CSMD1: variants seen among roughly 807,000 people sequenced by gnomAD.
CSMD1 encodes the protein CUB and Sushi multiple domains 1, also known as CUB and sushi domain-containing protein 1.
In CSMD1, 213 loss-of-function variants were observed where a neutral mutation model predicts 417.5. The ratio of observed to expected loss-of-function variants is 0.51; its 90% CI spans 0.46 to 0.57. The LOEUF (loss-of-function observed/expected upper bound fraction) is 0.57. CSMD1 is among the 20% of genes least tolerant of loss of function. The pLI is 0.00. For synonymous variants in CSMD1, 2,862 were observed against 1,736.8 expected (o/e 1.65, Z -16.11); for missense variants, 6,923 against 4,529.7 (o/e 1.53, Z -15.17).
chr8:3,598,702 A>G (rs1328294123), intron 8 of CSMD1, among the ~76,000 whole-genome samples: 4 of 152,204 alleles, frequency 2.6e-5, no homozygotes, highest in East Asian at 3.9e-4. Flanking sequence ...CTTGGATGCT[A>G]AAAACCTCCC....
intron 8 of CSMD1, among the ~76,000 whole-genome samples, chr8:3,611,997 A>T (rs77527311): frequency 0.025 from 3,746 of 152,270 alleles, 67 homozygotes; most frequent in Middle Eastern, 0.063. Flanking sequence ...TTATTTGAAA[A>T]GATTTTTAAA....
chr8:3,329,091 G>A (rs986258313), intron 23 of CSMD1, among the ~76,000 whole-genome samples: 1 of 152,146 alleles, frequency 6.6e-6, no homozygotes, highest in Non-Finnish European at 1.5e-5. Flanking sequence ...AGTTGAGGGA[G>A]AGAGAAGATG....
At chr8:3,530,502 G>A (rs547768140) in intron 10 of CSMD1, among the ~76,000 whole-genome samples, 3 of 152,180 alleles carry the variant, frequency 2.0e-5, no homozygotes, top group Admixed American at 6.5e-5. Context: ...AAAGCAAAAT[G>A]TACAGTGAAT....
Position 3,428,417 on chromosome 8 carries a change from C to T in CSMD1, c.1562-18812G>A, listed in dbSNP as rs562713856. Among the ~76,000 whole-genome samples the T allele has an allele frequency of 1.1e-3, 172 of 152,054 alleles. 1 individual carries two copies. Among genetic ancestry groups the T allele is most frequent in the African/African-American group, 3.7e-3 (152 of 41,468 alleles). ...GAAGCTGGGCTTTAAAGAAATGGCA[C>T]GAGAAACGAAACTGTCAAGAATATT... On this transcript the variant is annotated intron_variant, in intron 12 of 69. Transcript: ENST00000635120.
At chr8:3,020,199 G>C (rs1227535135) in intron 51 of CSMD1, among the ~76,000 whole-genome samples, 1 of 152,218 alleles carries the variant, frequency 6.6e-6, no homozygotes, top group Middle Eastern at 3.2e-3. Flanking sequence ...TTGTGCATTA[G>C]ATTCAAACGG....
chr8:4,825,408 G>T (rs1163786221), intron 1 of CSMD1, among the ~76,000 whole-genome samples: 1 of 152,024 alleles, frequency 6.6e-6, no homozygotes, highest in Non-Finnish European at 1.5e-5. Context: ...ATGCAGTGAT[G>T]GTGACTCTAG....
At chr8:4,000,265 C>G (rs188421003) in intron 4 of CSMD1, among the ~76,000 whole-genome samples, 5 of 152,124 alleles carry the variant, frequency 3.3e-5, no homozygotes, top group Non-Finnish European at 5.9e-5. Context: ...TGTGCAAGCA[C>G]ACACACTTCC....
intron 1 of CSMD1, among the ~76,000 whole-genome samples, chr8:4,827,154 G>C (rs996586095): frequency 6.6e-6 from 1 of 151,978 alleles, no homozygotes; most frequent in Admixed American, 6.6e-5. Context: ...AAAGAAAACA[G>C]GTATACTAGC....
intron 23 of CSMD1, among the ~76,000 whole-genome samples, chr8:3,317,483 G>A (rs912315160): frequency 2.0e-5 from 3 of 152,136 alleles, no homozygotes; most frequent in Non-Finnish European, 4.4e-5. Context: ...TTTCTATTAC[G>A]TTTTCTATTT....
intron 2 of CSMD1, among the ~76,000 whole-genome samples, chr8:4,561,213 A>G (rs747648000): frequency 9.9e-5 from 15 of 152,168 alleles, no homozygotes; most frequent in Non-Finnish European, 2.2e-4. Context: ...CTGCTAAAAT[A>G]CAAAAAAACA....
chr8:4,642,787 G>C (rs536361949), intron 1 of CSMD1, among the ~76,000 whole-genome samples: 1 of 152,280 alleles, frequency 6.6e-6, no homozygotes, highest in Non-Finnish European at 1.5e-5. Flanking sequence ...TGAGGGAATG[G>C]TTTTGCTATT....
chr8:3,903,108 G>A (rs947892801), intron 5 of CSMD1, among the ~76,000 whole-genome samples: 14 of 152,244 alleles, frequency 9.2e-5, no homozygotes, highest in Non-Finnish European at 2.1e-4. Context: ...GCTGAGCTAG[G>A]TGGAGACCTT....
chr8:3,026,609 C>G (rs766330755), intron 51 of CSMD1, among the ~76,000 whole-genome samples: 1 of 152,170 alleles, frequency 6.6e-6, no homozygotes, highest in Admixed American at 6.5e-5. Flanking sequence ...CTGGACCTCA[C>G]TGGACCTCAC....
At chr8:2,960,257 A>G (rs1803342125) in intron 62 of CSMD1, among the ~76,000 whole-genome samples, 1 of 152,212 alleles carries the variant, frequency 6.6e-6, no homozygotes, top group Non-Finnish European at 1.5e-5. Flanking sequence ...AATGTGCTAG[A>G]GTCAGTATAT....
intron 3 of CSMD1, among the ~76,000 whole-genome samples, chr8:4,286,634 G>C (rs868677082): frequency 6.6e-6 from 1 of 152,098 alleles, no homozygotes. Flanking sequence ...CTCGAAGAAA[G>C]GTTTATCCTC....
At chr8:3,633,198 A>C (rs1796868663) in intron 7 of CSMD1, among the ~76,000 whole-genome samples, 1 of 152,236 alleles carries the variant, frequency 6.6e-6, no homozygotes, top group Non-Finnish European at 1.5e-5. Context: ...TTTCTCACAG[A>C]ACTCAAATAA....
intron 50 of CSMD1, among the ~76,000 whole-genome samples, chr8:3,046,303 T>G (rs868203093): frequency 6.6e-6 from 1 of 152,010 alleles, no homozygotes; most frequent in East Asian, 1.9e-4. Context: ...CAGGGCTTGG[T>G]GAGGGAATGA....
chr8:4,077,394 A>G (rs13266523), intron 3 of CSMD1, among the ~76,000 whole-genome samples: 15,179 of 149,264 alleles, frequency 0.1, 861 homozygotes, highest in Middle Eastern at 0.15. Flanking sequence ...TCAGTCTTTT[A>G]TTATAATAAG....
chr8:3,918,101 T>A (rs1311841839), intron 5 of CSMD1, among the ~76,000 whole-genome samples: 1 of 152,102 alleles, frequency 6.6e-6, no homozygotes, highest in Non-Finnish European at 1.5e-5. Flanking sequence ...TTGATCAAAG[T>A]GCATTTATGT....
Sources: allele counts gnomAD v4.1 joint callset (sites outside exome capture counted in the v4.1 genomes callset), GRCh38; gene constraint gnomAD v4.1.1; transcripts MANE v1.5; gene names NCBI Gene and HGNC (gene_info 2026-07-23, HGNC 2026-07-21).